NR5A2: variants seen among roughly 807,000 people sequenced by gnomAD.
The protein encoded by NR5A2 is nuclear receptor subfamily 5 group A member 2, also known as CYP7A promoter-binding factor.
A neutral mutation model predicts 62.7 loss-of-function variants in NR5A2; 26 were observed. The ratio of observed to expected loss-of-function variants is 0.41; its 90% CI spans 0.30 to 0.58. NR5A2 has a LOEUF of 0.58. NR5A2 is among the 20% of genes least tolerant of loss of function. The pLI is 0.22. For missense variants in NR5A2, 541 were observed against 669.1 expected (o/e 0.81, Z 2.11); for synonymous variants, 246 against 241.7 (o/e 1.02, Z -0.16).
chr1:200,092,391 T>A (rs1664857419), intron 5 of NR5A2, among the ~76,000 whole-genome samples: 2 of 152,194 alleles, frequency 1.3e-5, no homozygotes, highest in Non-Finnish European at 2.9e-5. Context: ...GGATCCCATT[T>A]AAGTATGTGG....
chr1:200,130,278 GGAAGAAGAA>G (rs66507419), intron 7 of NR5A2, among the ~76,000 whole-genome samples: 4,577 of 106,430 alleles, frequency 0.043, 259 homozygotes, highest in African/African-American at 0.12. Flanking sequence ...GAACTAACTA[GGAAGAAGAA>G]GAAGAAGAAG....
intron 7 of NR5A2, among the ~76,000 whole-genome samples, chr1:200,164,146 T>C (rs1653785273): frequency 6.6e-6 from 1 of 152,162 alleles, no homozygotes; most frequent in Non-Finnish European, 1.5e-5. Context: ...CCCGCCACCA[T>C]GATTTTAATC....
chr1:200,137,784 A>AT (rs1194274379), intron 7 of NR5A2, among the ~76,000 whole-genome samples: 1 of 152,000 alleles, frequency 6.6e-6, no homozygotes, highest in African/African-American at 2.4e-5. Flanking sequence ...ATTTCTTCTA[A>AT]TTTTTTTTAA....
intron 5 of NR5A2, among the ~76,000 whole-genome samples, chr1:200,107,697 TG>T (rs1665751555): frequency 6.6e-6 from 1 of 152,172 alleles, no homozygotes; most frequent in Non-Finnish European, 1.5e-5. Flanking sequence ...TGAAGTGCAG[TG>T]ACACGATCTC....
chr1:200,072,394 T>C (rs544071738), intron 5 of NR5A2, among the ~76,000 whole-genome samples: 1 of 152,304 alleles, frequency 6.6e-6, no homozygotes, highest in East Asian at 1.9e-4. Context: ...CTTCAGTATC[T>C]AAGACAAAAT....
At chr1:200,168,118 T>C (rs1653993653) in intron 7 of NR5A2, among the ~76,000 whole-genome samples, 1 of 152,160 alleles carries the variant, frequency 6.6e-6, no homozygotes, top group South Asian at 2.1e-4. Flanking sequence ...AAATAAAGCA[T>C]GTTAAGAATG....
At chr1:200,084,579 A>G (rs888891006) in intron 5 of NR5A2, among the ~76,000 whole-genome samples, 5 of 152,250 alleles carry the variant, frequency 3.3e-5, no homozygotes, top group Non-Finnish European at 7.3e-5. Context: ...AATATTTTCC[A>G]TATTACAGCT....
chr1:200,132,350 C>G (rs969339355), intron 7 of NR5A2, among the ~76,000 whole-genome samples: 1 of 152,114 alleles, frequency 6.6e-6, no homozygotes, highest in Non-Finnish European at 1.5e-5. Context: ...GAAGGAAACT[C>G]CTGTGATACA....
intron 5 of NR5A2, among the ~76,000 whole-genome samples, chr1:200,101,676 C>T (rs1278978359): frequency 6.6e-6 from 1 of 152,156 alleles, no homozygotes; most frequent in East Asian, 1.9e-4. Context: ...CCTGTTAGTG[C>T]TCACCTTAAT....
At chr1:200,127,252 T>C (rs1229340714) in intron 7 of NR5A2, among the ~76,000 whole-genome samples, 8 of 152,218 alleles carry the variant, frequency 5.3e-5, no homozygotes, top group Non-Finnish European at 1.2e-4. Context: ...TTAAAAATAC[T>C]GTGTAAAGAA....
chr1:200,133,317 T>G (rs1043565845), intron 7 of NR5A2, among the ~76,000 whole-genome samples: 1 of 151,880 alleles, frequency 6.6e-6, no homozygotes, highest in African/African-American at 2.4e-5. Flanking sequence ...ACACTTTGAC[T>G]CTCTCCACTT....
At chr1:200,172,176 A>G (rs998368271) in intron 7 of NR5A2, among the ~76,000 whole-genome samples, 11 of 152,226 alleles carry the variant, frequency 7.2e-5, no homozygotes, top group African/African-American at 2.7e-4. Flanking sequence ...AAACAAATGT[A>G]GATTTTTCTA....
chr1:200,081,180 G>C (rs1664276378), intron 5 of NR5A2, among the ~76,000 whole-genome samples: 1 of 152,178 alleles, frequency 6.6e-6, no homozygotes, highest in African/African-American at 2.4e-5. Context: ...CAGTCCACCA[G>C]CTGAGGGTAC....
intron 5 of NR5A2, among the ~76,000 whole-genome samples, chr1:200,102,326 T>A (rs1665412283): frequency 6.6e-6 from 1 of 152,238 alleles, no homozygotes; most frequent in Non-Finnish European, 1.5e-5. Flanking sequence ...TTGTGAATGC[T>A]CACTGTTGGA....
intron 1 of NR5A2, among the ~76,000 whole-genome samples, chr1:200,036,969 C>G (rs1367462905): frequency 6.6e-6 from 1 of 152,210 alleles, no homozygotes; most frequent in African/African-American, 2.4e-5. Flanking sequence ...CCACCGTTCC[C>G]TCCCGCACCC....
At chr1:200,127,613 G>C (rs555744758) in intron 7 of NR5A2, among the ~76,000 whole-genome samples, 1 of 144,780 alleles carries the variant, frequency 6.9e-6, no homozygotes, top group Admixed American at 7.1e-5. Flanking sequence ...GGGGGCGGAG[G>C]TTGCAGTGAG....
chr1:200,094,443 C>T lies in NR5A2; in HGVS notation c.1111-16759C>T, dbSNP rs116741281. ...CAAGCAGTCCATTTTTTGCAACCTC[C>T]GAAAGTACTAGGATTACAGATGTGA... On this transcript the variant is annotated intron_variant, in intron 5 of 7. Coordinates refer to ENST00000367362, the MANE Select transcript of NR5A2 (RefSeq NM_205860.3). 5.7e-3 allele frequency among the ~76,000 whole-genome samples: 853 copies of T among 149,938 alleles called. 10 individuals carry two copies. The highest frequency in any genetic ancestry group is 0.019 in the African/African-American group (791 of 40,682).
chr1:200,160,612 C>G lies in NR5A2; in HGVS notation c.1379-13351C>G, dbSNP rs532465871. Among the ~76,000 whole-genome samples, 356 of 152,190 alleles carry G rather than the reference C, an allele frequency of 2.3e-3. 3 individuals are homozygous for G. Among genetic ancestry groups the G allele is most frequent in the Middle Eastern group, 6.8e-3 (2 of 294 alleles). On this transcript the variant is annotated intron_variant, in intron 7 of 7. Coordinates refer to ENST00000367362, the MANE Select transcript of NR5A2 (RefSeq NM_205860.3). ...CTTCATCCCAAAGACGATAAGAATGCCTTTAAGCTAATATTTTTAACAAGA... is the reference window on the plus strand; with the variant it reads ...CTTCATCCCAAAGACGATAAGAATGGCTTTAAGCTAATATTTTTAACAAGA...
intron 7 of NR5A2, among the ~76,000 whole-genome samples, chr1:200,167,881 AC>A (rs1439619708): frequency 2.6e-5 from 4 of 152,050 alleles, no homozygotes; most frequent in Non-Finnish European, 5.9e-5. Flanking sequence ...CTCAGGTGTC[AC>A]CTTCCCCAGG....
Sources: allele counts gnomAD v4.1 joint callset (sites outside exome capture counted in the v4.1 genomes callset), GRCh38; gene constraint gnomAD v4.1.1; transcripts MANE v1.5; gene names NCBI Gene and HGNC (gene_info 2026-07-23, HGNC 2026-07-21).